The following CACNB4 variants were observed in gnomAD, a reference collection of about 807,000 sequenced individuals.
CACNB4 encodes calcium voltage-gated channel auxiliary subunit beta 4.
Under a neutral mutation model 71.2 loss-of-function variants are expected in CACNB4, and 32 were observed. The observed-to-expected ratio is 0.45, with a 90% CI of 0.34 to 0.60. The LOEUF (loss-of-function observed/expected upper bound fraction) is 0.60. Among genes scored for constraint, CACNB4 ranks in the 20% least tolerant of loss-of-function variants. The pLI, the probability that CACNB4 is intolerant of heterozygous loss-of-function variation, is 0.01. For missense variants in CACNB4, 464 were observed against 647.9 expected (o/e 0.72, Z 3.08); for synonymous variants, 231 against 236.9 (o/e 0.97, Z 0.23).
Position 152,098,883 on chromosome 2 carries a change from A to C in CACNB4, c.63+66T>G. 1 of 1,119,148 alleles carries C rather than the reference A, an allele frequency of 8.9e-7. No homozygotes were observed. The highest frequency in any genetic ancestry group is 1.2e-6 in the Non-Finnish European group (1 of 831,552). The allele number at this position is 1,119,148 out of a possible 1,614,324, so 69.3% of individuals were successfully genotyped here. On this transcript the variant is annotated intron_variant, in intron 1 of 13. Transcript: ENST00000539935. The surrounding 1 kb of genome is among the most constrained non-coding windows in gnomAD (Gnocchi z 5.3). ...GCCCGGCACGAAGGCGGGGCGCGCT[A>C]GGGCGGCGGAGGAGGTGTGAGGAAG...
At chr2:151,918,941 C>T (rs758318393) in intron 2 of CACNB4, among the ~76,000 whole-genome samples, 2 of 152,168 alleles carry the variant, frequency 1.3e-5, no homozygotes, top group African/African-American at 4.8e-5. Flanking sequence ...TCACTGAAAG[C>T]CTTCCTAAAT....
chr2:151,839,046 T>C lies in CACNB4; in HGVS notation c.*73A>G, dbSNP rs1222753211. ...TAAATACTGTGCTATGTTAGCCAAG[T>C]TAAGATGATTGGTTTATCCTAGCAC... is the stretch of plus-strand genomic sequence containing the variant. On this transcript the variant is annotated 3_prime_UTR_variant, in exon 14 of 14. Transcript: ENST00000539935. 2.2e-6 allele frequency: 3 copies of C among 1,362,748 alleles called. No individual in the cohort carries two copies. Among genetic ancestry groups the C allele is most frequent in the Non-Finnish European group, 3.1e-6 (3 of 983,608 alleles). 84.4% of individuals were successfully genotyped at this position (1,362,748 alleles called of 1,614,324 possible).
intron 2 of CACNB4, among the ~76,000 whole-genome samples, chr2:151,900,987 CTTT>C (rs2099853256): frequency 1.1e-5 from 1 of 88,726 alleles, no homozygotes; most frequent in East Asian, 3.4e-4. Context: ...TTCTTTCTTT[CTTT>C]CTTTTTTTTT....
intron 2 of CACNB4, among the ~76,000 whole-genome samples, chr2:151,921,594 T>G (rs2099859041): frequency 6.6e-6 from 1 of 152,224 alleles, no homozygotes; most frequent in African/African-American, 2.4e-5. Context: ...CCTGGCCTTT[T>G]CCAGCTTCTA....
At chr2:152,008,104 C>G (rs1682833925) in intron 2 of CACNB4, among the ~76,000 whole-genome samples, 1 of 151,966 alleles carries the variant, frequency 6.6e-6, no homozygotes, top group South Asian at 2.1e-4. Flanking sequence ...CTCCTGTACT[C>G]TTTTCCACAG....
intron 2 of CACNB4, among the ~76,000 whole-genome samples, chr2:152,094,768 T>C (rs1035290706): frequency 3.3e-5 from 5 of 152,340 alleles, no homozygotes; most frequent in Admixed American, 1.3e-4. Context: ...GCTAGGCACA[T>C]AGCAAATACT....
chr2:151,914,443 T>C (rs1050622905), intron 2 of CACNB4, among the ~76,000 whole-genome samples: 4 of 152,192 alleles, frequency 2.6e-5, no homozygotes, highest in African/African-American at 9.7e-5. Context: ...TAGTTTTTTA[T>C]TACCCATCTT....
chr2:151,952,692 G>C (rs1000667557), intron 2 of CACNB4, among the ~76,000 whole-genome samples: 1 of 152,176 alleles, frequency 6.6e-6, no homozygotes, highest in South Asian at 2.1e-4. Context: ...AGGAGCGAAT[G>C]CACCAGAAGG....
At chr2:151,900,019 G>A (rs912418099) in intron 2 of CACNB4, among the ~76,000 whole-genome samples, 5 of 152,156 alleles carry the variant, frequency 3.3e-5, no homozygotes, top group South Asian at 4.1e-4. Context: ...TGTTTTGGGG[G>A]AACAGAAAAC....
chr2:151,894,561 G>C (rs1002334205), intron 2 of CACNB4, among the ~76,000 whole-genome samples: 2 of 152,100 alleles, frequency 1.3e-5, no homozygotes, highest in Non-Finnish European at 2.9e-5. Flanking sequence ...TTTAGCCAGA[G>C]CCATCAAGCA....
chr2:151,893,642 C>T (rs1052162135), intron 2 of CACNB4, among the ~76,000 whole-genome samples: 14 of 151,984 alleles, frequency 9.2e-5, no homozygotes, highest in African/African-American at 3.4e-4. Flanking sequence ...TATATAAACA[C>T]ACCTCTACTA....
At chr2:152,082,290 T>C (rs1391333549) in intron 2 of CACNB4, among the ~76,000 whole-genome samples, 1 of 152,250 alleles carries the variant, frequency 6.6e-6, no homozygotes, top group Admixed American at 6.5e-5. Context: ...TGCTACATTA[T>C]AAAAGAATGT....
At chr2:151,988,743 A>C (rs142503031) in intron 2 of CACNB4, among the ~76,000 whole-genome samples, 174 of 152,136 alleles carry the variant, frequency 1.1e-3, no homozygotes, top group Non-Finnish European at 1.8e-3. Flanking sequence ...AAGGACACTA[A>C]TCCCATCATG....
intron 2 of CACNB4, among the ~76,000 whole-genome samples, chr2:151,954,212 C>T (rs1018554256): frequency 6.6e-6 from 1 of 152,202 alleles, no homozygotes. Context: ...CGTTCTAAAC[C>T]AGAGTGGCAT....
intron 2 of CACNB4, among the ~76,000 whole-genome samples, chr2:152,021,085 T>C (rs1404263665): frequency 6.6e-6 from 1 of 152,024 alleles, no homozygotes; most frequent in Non-Finnish European, 1.5e-5. Flanking sequence ...ACCCCGTTTC[T>C]ACTAAAATAC....
intron 2 of CACNB4, among the ~76,000 whole-genome samples, chr2:152,042,612 A>T (rs9917218): frequency 0.2 from 30,937 of 152,046 alleles, 4,381 homozygotes; most frequent in East Asian, 0.73. Flanking sequence ...TAATCATTTT[A>T]AAAAAAGATC....
chr2:151,856,028 A>C (rs1211451467), intron 10 of CACNB4, among the ~76,000 whole-genome samples: 1 of 152,048 alleles, frequency 6.6e-6, no homozygotes, highest in African/African-American at 2.4e-5. Flanking sequence ...AATTATATTA[A>C]AACGCTGCAA....
chr2:152,046,500 C>G (rs1426131244), intron 2 of CACNB4, among the ~76,000 whole-genome samples: 1 of 152,176 alleles, frequency 6.6e-6, no homozygotes, highest in East Asian at 1.9e-4. Context: ...ATCTATTTTG[C>G]CTTTTATAAA....
At chr2:151,860,560 CCTT>C (rs1170614478) in intron 10 of CACNB4, 148 bp downstream of exon 10, 2 of 660,270 alleles carry the variant, frequency 3.0e-6, no homozygotes, top group East Asian at 5.5e-5. Flanking sequence ...GACTCTGCTG[CCTT>C]CTTGTCCATA....
Sources: allele counts gnomAD v4.1 joint callset (sites outside exome capture counted in the v4.1 genomes callset), GRCh38; gene constraint gnomAD v4.1.1; non-coding constraint Gnocchi (gnomAD v3.1); transcripts MANE v1.5; gene names NCBI Gene and HGNC (gene_info 2026-07-23, HGNC 2026-07-21).